FAM135B: variants seen among roughly 807,000 people sequenced by gnomAD.
FAM135B encodes protein FAM135B.
A neutral mutation model predicts 127.7 loss-of-function variants in FAM135B; 43 were observed. The ratio of observed to expected loss-of-function variants is 0.34; its 90% CI spans 0.26 to 0.43. The LOEUF is 0.43. Among genes scored for constraint, FAM135B ranks in the 20% least tolerant of loss-of-function variants. The pLI is 1.00. For synonymous variants in FAM135B, 670 were observed against 665.1 expected (o/e 1.01, Z -0.11); for missense variants, 1,558 against 1,725.6 (o/e 0.90, Z 1.72).
chr8:138,388,260 CAT>C (rs974717523), intron 1 of FAM135B, among the ~76,000 whole-genome samples: 2 of 152,120 alleles, frequency 1.3e-5, no homozygotes, highest in African/African-American at 2.4e-5. Context: ...TGATGGCAAA[CAT>C]GTGGAGTAAT....
In FAM135B at chr8:138,152,330, G is replaced by C. The variant is rs1289189828; in HGVS notation, c.2145C>G (p.His715Gln). The part of the protein sequence containing the change: ...LELPSDREVL[H>Q]PFVRRHALHR... ...GGAGGGCATGTCTTCGAACAAACGG[G>C]TGCAAGACTTCCCGATCACTGGGCA... Residue 715 changes from histidine to glutamine, a missense_variant, in exon 13 of 20, where the codon CAC becomes CAG. Coordinates refer to ENST00000395297, the MANE Select transcript of FAM135B (RefSeq NM_015912.4). The C allele has an allele frequency of 1.9e-6, 3 of 1,614,122 alleles. No homozygotes were observed.
rs1484332302 is a variant in FAM135B at position 138,187,810 on chromosome 8, G to C, written c.873+7448C>G. On this transcript the variant is annotated intron_variant, in intron 9 of 19. Coordinates refer to ENST00000395297, the MANE Select transcript of FAM135B (RefSeq NM_015912.4). ...GATAGCTTTAGGGTAGAGGCTGTTTGCCAGAAAGACCAATCCATGATTGGA... is the reference window on the plus strand; with the variant it reads ...GATAGCTTTAGGGTAGAGGCTGTTTCCCAGAAAGACCAATCCATGATTGGA... Among the ~76,000 whole-genome samples the C allele has an allele frequency of 2.6e-5, 4 of 152,176 alleles. No homozygotes were observed. In the East Asian group the frequency reaches 7.7e-4, roughly 29 times the overall value.
intron 2 of FAM135B, among the ~76,000 whole-genome samples, chr8:138,317,989 G>A (rs1827209302): frequency 6.6e-6 from 1 of 152,230 alleles, no homozygotes; most frequent in African/African-American, 2.4e-5. Context: ...TTCAGGGGAA[G>A]ACAGAAATTT....
At position 138,185,817 on chromosome 8, in the gene FAM135B, G is replaced by T. The variant is rs1009620683; in HGVS notation, c.874-7127C>A. Among the ~76,000 whole-genome samples, 4 of 152,178 alleles carry T rather than the reference G, an allele frequency of 2.6e-5. No homozygotes were observed. The East Asian group carries it at 7.7e-4, about 29-fold the overall frequency. On this transcript the variant is annotated intron_variant, in intron 9 of 19. Transcript: ENST00000395297. ...TACTCAGCATGTGTTGAACTTGTTT[G>T]TACCAAAGCACATGTCTGAGTTTCA...
At chr8:138,462,965 TTTACA>T (rs1007412775) in intron 1 of FAM135B, among the ~76,000 whole-genome samples, 8 of 152,204 alleles carry the variant, frequency 5.3e-5, no homozygotes, top group Non-Finnish European at 1.0e-4. Context: ...CAGCAGGCTA[TTTACA>T]TTACATTTTC....
chr8:138,492,804 A>G lies in FAM135B; in HGVS notation c.-20+3867T>C, dbSNP rs1228395259. The stretch of plus-strand genomic sequence containing the variant: ...TAAGAAGGCATCCTTGACAGCCACC[A>G]CCTAGGAAATATGTCGGAGGCTCCT... On this transcript the variant is annotated intron_variant, in intron 1 of 19. Coordinates refer to ENST00000395297, the MANE Select transcript of FAM135B (RefSeq NM_015912.4). 2.6e-5 allele frequency among the ~76,000 whole-genome samples: 4 copies of G among 152,106 alleles called. No individual in the cohort carries two copies. The East Asian group carries it at 5.8e-4, about 22-fold the overall frequency.
Position 138,130,616 on chromosome 8 carries a change from C to T in FAM135B, c.*1977G>A, listed in dbSNP as rs1816139919. 1 of 152,242 alleles carries T rather than the reference C, an allele frequency of 6.6e-6. No homozygotes were observed. The highest frequency in any genetic ancestry group is 2.4e-5 in the African/African-American group (1 of 41,432). The allele number at this position is 152,242 out of a possible 1,614,324, so 9.4% of individuals were successfully genotyped here. On this transcript the variant is annotated 3_prime_UTR_variant, in exon 20 of 20. Transcript: ENST00000395297. ...AATTGGAAACACAACATGAAATGCA[C>T]TCATCAGAGGGACAGGGCCCATCAT...
chr8:138,216,215 T>C (rs1404608662), intron 7 of FAM135B, among the ~76,000 whole-genome samples: 1 of 152,082 alleles, frequency 6.6e-6, no homozygotes, highest in African/African-American at 2.4e-5. Context: ...TCTAAATAAC[T>C]ACAATAACAA....
intron 1 of FAM135B, among the ~76,000 whole-genome samples, chr8:138,479,585 T>A (rs545226788): frequency 8.5e-4 from 129 of 152,300 alleles, no homozygotes; most frequent in Non-Finnish European, 9.0e-4. Context: ...AAAATAAAAA[T>A]TTATATTTCT....
intron 7 of FAM135B, among the ~76,000 whole-genome samples, chr8:138,201,011 C>T (rs983196286): frequency 1.2e-4 from 18 of 152,192 alleles, no homozygotes; most frequent in African/African-American, 4.3e-4. Flanking sequence ...TGAAACCAGG[C>T]CTGGCAGAGA....
intron 12 of FAM135B, among the ~76,000 whole-genome samples, chr8:138,155,640 G>A (rs1248195008): frequency 6.6e-6 from 1 of 152,100 alleles, no homozygotes; most frequent in African/African-American, 2.4e-5. Flanking sequence ...AACAGGGGTT[G>A]CAATCCTAGT....
At chr8:138,134,302 T>A (rs950283839) in intron 19 of FAM135B, among the ~76,000 whole-genome samples, 5 of 152,168 alleles carry the variant, frequency 3.3e-5, no homozygotes, top group African/African-American at 1.2e-4. Flanking sequence ...ATGTTGCCAA[T>A]AAATGGAAAT....
intron 1 of FAM135B, among the ~76,000 whole-genome samples, chr8:138,466,349 T>G (rs943742827): frequency 6.6e-6 from 1 of 152,064 alleles, no homozygotes; most frequent in African/African-American, 2.4e-5. Context: ...GAGAGAGAAG[T>G]AGGTCAGTGG....
chr8:138,210,910 A>C lies in FAM135B; in HGVS notation c.670-13241T>G, dbSNP rs142800603. ...ATAAACTTCCTTACCTGAGCCTCAC[A>C]GGGCATTCAGAATCATATTCAGTGT... On this transcript the variant is annotated intron_variant, in intron 7 of 19. Coordinates refer to ENST00000395297, the MANE Select transcript of FAM135B (RefSeq NM_015912.4). Among the ~76,000 whole-genome samples, 454 of 152,308 alleles carry C rather than the reference A, an allele frequency of 3.0e-3. 2 individuals carry two copies. The highest frequency in any genetic ancestry group is 9.7e-3 in the African/African-American group (402 of 41,578).
chr8:138,211,363 A>C (rs1818129695), intron 7 of FAM135B, among the ~76,000 whole-genome samples: 1 of 152,212 alleles, frequency 6.6e-6, no homozygotes, highest in Non-Finnish European at 1.5e-5. Context: ...ATGCACCGAC[A>C]GAGGGGTGGA....
chr8:138,293,539 TCAAA>T (rs1321684485), intron 3 of FAM135B, among the ~76,000 whole-genome samples: 2 of 151,732 alleles, frequency 1.3e-5, no homozygotes, highest in East Asian at 1.9e-4. Context: ...TACAAGGAGC[TCAAA>T]CAAATTAGTG....
chr8:138,135,458 A>T (rs1419779098), intron 19 of FAM135B, among the ~76,000 whole-genome samples: 2 of 152,188 alleles, frequency 1.3e-5, no homozygotes, highest in East Asian at 3.9e-4. Flanking sequence ...AAATATACAT[A>T]AAAAAGCATC....
At chr8:138,445,689 C>T (rs797005799) in intron 1 of FAM135B, among the ~76,000 whole-genome samples, 2 of 152,124 alleles carry the variant, frequency 1.3e-5, no homozygotes, top group Admixed American at 6.6e-5. Context: ...AAACCCACGG[C>T]CAATATCATA....
chr8:138,250,645 G>T (rs939489547), intron 6 of FAM135B, among the ~76,000 whole-genome samples, 196 bp downstream of exon 6: 2 of 152,162 alleles, frequency 1.3e-5, no homozygotes, highest in East Asian at 3.9e-4. Flanking sequence ...CGACTTCCGG[G>T]TTCCACACCA....
Sources: gnomAD v4.1 joint callset for allele counts (sites outside exome capture counted in the v4.1 genomes callset) on GRCh38, gnomAD v4.1.1 for gene constraint, MANE v1.5 for transcripts, NCBI Gene and HGNC (gene_info 2026-07-23, HGNC 2026-07-21) for gene names.